Variants in TMPRSS11A observed in about 807,000 individuals in gnomAD.
TMPRSS11A encodes transmembrane serine protease 11A, also known as transmembrane protease serine 11A.
Under a neutral mutation model 58.9 loss-of-function variants are expected in TMPRSS11A, and 53 were observed. That is an observed-to-expected ratio of 0.90 (90% CI 0.72 to 1.13). TMPRSS11A has a LOEUF of 1.13. TMPRSS11A is among the 50% of genes most tolerant of loss of function. The pLI is 0.00. For missense variants in TMPRSS11A, 493 were observed against 499.3 expected, an observed-to-expected ratio of 0.99 and a Z score of 0.12; for synonymous variants, 167 against 169.8, an observed-to-expected ratio of 0.98 and a Z score of 0.13.
At chr4:67,949,501 A>G (rs1306917719) in intron 1 of TMPRSS11A, among the ~76,000 whole-genome samples, 1 of 152,238 alleles carries the variant, frequency 6.6e-6, no homozygotes, top group Non-Finnish European at 1.5e-5. Flanking sequence ...ACTAAATCCT[A>G]TATGAATAAA....
intron 3 of TMPRSS11A, among the ~76,000 whole-genome samples, chr4:67,935,152 G>A (rs1025029514): frequency 1.3e-5 from 2 of 152,168 alleles, no homozygotes; most frequent in Admixed American, 1.3e-4. Context: ...ATTGCCACAA[G>A]GATTGAACTC....
intron 3 of TMPRSS11A, among the ~76,000 whole-genome samples, chr4:67,943,887 G>A (rs930959878): frequency 3.3e-5 from 5 of 152,098 alleles, no homozygotes; most frequent in Non-Finnish European, 7.4e-5. Flanking sequence ...CTCTGCTTCT[G>A]TGCTTCCTTG....
chr4:67,962,891 T>C (rs1181419731), intron 1 of TMPRSS11A, among the ~76,000 whole-genome samples: 1 of 152,208 alleles, frequency 6.6e-6, no homozygotes, highest in African/African-American at 2.4e-5. Flanking sequence ...ATGGAAGCCC[T>C]GGGTCTTCTA....
At chr4:67,936,895 A>C (rs1720768246) in intron 3 of TMPRSS11A, among the ~76,000 whole-genome samples, 1 of 152,206 alleles carries the variant, frequency 6.6e-6, no homozygotes, top group South Asian at 2.1e-4. Context: ...AAAGAGGAAA[A>C]TATCTCATTT....
rs189222195 is a variant in TMPRSS11A, at chr4:67,919,131, C to A, written c.794G>T (p.Arg265Leu). ...AATGTCGTACTCTCTTGCTGCAGAGCGGTACTTCTCATGGATAATAAATCT... is the reference window on the plus strand; with the variant it reads ...AATGTCGTACTCTCTTGCTGCAGAGAGGTACTTCTCATGGATAATAAATCT... ...VRRFIIHEKY[R>L]SAAREYDIAV... Residue 265 changes from arginine (R) to leucine (L), a missense_variant, in exon 8 of 10, where the codon CGC (arginine) becomes CTC (leucine). Physicochemically the swap from Arg to Leu is moderately radical, Grantham distance 102 (BLOSUM62 -2). Transcript: ENST00000508048. The A allele has an allele frequency of 5.9e-5, 96 of 1,614,144 alleles. No individual in the cohort carries two copies. Among genetic ancestry groups the A allele is most frequent in the Middle Eastern group, 4.9e-4 (3 of 6,062 alleles).
At position 67,922,743 on chromosome 4, in the gene TMPRSS11A, T is replaced by C; in HGVS notation, c.692+12A>G. 6.2e-7 allele frequency: 1 copy of C among 1,612,220 alleles called. No homozygotes were observed. Among genetic ancestry groups the C allele is most frequent in the Non-Finnish European group, 8.5e-7 (1 of 1,178,556 alleles). On this transcript the variant is annotated intron_variant, in intron 7 of 9. Coordinates refer to ENST00000508048, the MANE Select transcript of TMPRSS11A (RefSeq NM_001114387.2). ...AGCAGAAGTGGGTTCTAACTTAAGGTCAATAACTTACTTCTGGAAGCAGTG... is the reference window on the plus strand; with the variant it reads ...AGCAGAAGTGGGTTCTAACTTAAGGCCAATAACTTACTTCTGGAAGCAGTG...
chr4:67,917,291 C>T (rs2109735280), intron 8 of TMPRSS11A, among the ~76,000 whole-genome samples: 1 of 152,076 alleles, frequency 6.6e-6, no homozygotes, highest in East Asian at 1.9e-4. Context: ...CAGCATCTGG[C>T]ATATATTTAT....
At chr4:67,936,707 T>C (rs1295859562) in intron 3 of TMPRSS11A, among the ~76,000 whole-genome samples, 1 of 152,232 alleles carries the variant, frequency 6.6e-6, no homozygotes, top group Non-Finnish European at 1.5e-5. Flanking sequence ...CATCTGTCAC[T>C]ACTCACGTGT....
intron 1 of TMPRSS11A, among the ~76,000 whole-genome samples, chr4:67,953,823 T>A (rs1163617581): frequency 6.6e-6 from 1 of 151,978 alleles, no homozygotes; most frequent in Admixed American, 6.6e-5. Flanking sequence ...TTTCTTGGGA[T>A]CCTTCTGTTC....
intron 2 of TMPRSS11A, 27 bp from the exon 3 acceptor site, chr4:67,944,664 C>T (rs763792387): frequency 2.3e-5 from 37 of 1,600,620 alleles, no homozygotes; most frequent in Non-Finnish European, 3.2e-5. Flanking sequence ...AAATAGGAAA[C>T]TAAATGGTTT....
chr4:67,928,663 G>A (rs1720533799), intron 5 of TMPRSS11A, among the ~76,000 whole-genome samples: 1 of 152,146 alleles, frequency 6.6e-6, no homozygotes, highest in Non-Finnish European at 1.5e-5. Flanking sequence ...CTCCCTTCTG[G>A]CTGGGAGAGG....
intron 7 of TMPRSS11A, among the ~76,000 whole-genome samples, chr4:67,920,549 A>ATATATATATATATATATATAT (rs371252656): frequency 5.3e-5 from 7 of 130,898 alleles, no homozygotes; most frequent in African/African-American, 1.8e-4. Flanking sequence ...ATATATATAT[A>ATATATATATATATATATATAT]TTTTTTTTTA....
chr4:67,938,165 A>G (rs913797610), intron 3 of TMPRSS11A, among the ~76,000 whole-genome samples: 2 of 152,120 alleles, frequency 1.3e-5, no homozygotes, highest in Non-Finnish European at 2.9e-5. Flanking sequence ...GATGTGGAGC[A>G]TTTGTTCATA....
At chr4:67,950,098 A>C (rs1560573665) in intron 1 of TMPRSS11A, among the ~76,000 whole-genome samples, 1 of 152,212 alleles carries the variant, frequency 6.6e-6, no homozygotes, top group Non-Finnish European at 1.5e-5. Flanking sequence ...TAGCAGATCA[A>C]AGCAACACCT....
At chr4:67,918,857 C>A (rs353164) in intron 8 of TMPRSS11A, 116 bp downstream of exon 8, 79,104 of 1,200,838 alleles carry the variant, frequency 0.066, 2,920 homozygotes, top group East Asian at 0.13. Flanking sequence ...AAGTAAGAAC[C>A]CTAACTAATC....
intron 2 of TMPRSS11A, among the ~76,000 whole-genome samples, chr4:67,945,870 T>C (rs1720991046): frequency 6.6e-6 from 1 of 152,228 alleles, no homozygotes; most frequent in African/African-American, 2.4e-5. Context: ...AATATATTAG[T>C]TGATAAAAAT....
chr4:67,954,358 T>C (rs1259870547), intron 1 of TMPRSS11A, among the ~76,000 whole-genome samples: 1 of 152,244 alleles, frequency 6.6e-6, no homozygotes, highest in African/African-American at 2.4e-5. Context: ...AGATACTCAC[T>C]GTTGATCACA....
intron 3 of TMPRSS11A, among the ~76,000 whole-genome samples, chr4:67,932,933 C>G (rs1316604255): frequency 6.6e-6 from 1 of 152,104 alleles, no homozygotes; most frequent in Admixed American, 6.5e-5. Flanking sequence ...GCTGTGGTCT[C>G]TCACACCTGG....
At position 67,960,575 on chromosome 4, in the gene TMPRSS11A, T is replaced by A. The variant is rs1721398282; in HGVS notation, c.11+2808A>T. 2.0e-5 allele frequency among the ~76,000 whole-genome samples: 3 copies of A among 152,320 alleles called. No homozygotes were observed. In the South Asian group the frequency reaches 6.2e-4, roughly 32 times the overall value. On this transcript the variant is annotated intron_variant, in intron 1 of 9. Coordinates refer to ENST00000508048, the MANE Select transcript of TMPRSS11A (RefSeq NM_001114387.2). ...GAATGCTTATTTATAGTAAGCACTA[T>A]GAGTTTGCTGAAAACTAAACCAAAA...
Sources: allele counts gnomAD v4.1 joint callset (sites outside exome capture counted in the v4.1 genomes callset), GRCh38; gene constraint gnomAD v4.1.1; transcripts MANE v1.5; gene names NCBI Gene and HGNC (gene_info 2026-07-23, HGNC 2026-07-21).